BMPR2: variants seen among roughly 807,000 people sequenced by gnomAD.
BMPR2 encodes the protein bone morphogenetic protein receptor type-2.
BMPR2 carries 29 observed loss-of-function variants against 100.8 expected under a neutral mutation model. That is an observed-to-expected ratio of 0.29 (90% CI 0.21 to 0.39). The LOEUF (loss-of-function observed/expected upper bound fraction) is 0.39. Ranked by LOEUF, BMPR2 falls within the 10% of genes least tolerant of loss-of-function variation. The pLI, the probability that BMPR2 is intolerant of heterozygous loss-of-function variation, is 1.00. For synonymous variants in BMPR2, 382 were observed against 442.3 expected (o/e 0.86, Z 1.71); for missense variants, 1,011 against 1,274.5 (o/e 0.79, Z 3.15).
chr2:202,428,299 T>G (rs993017677), intron 1 of BMPR2, among the ~76,000 whole-genome samples: 1 of 152,042 alleles, frequency 6.6e-6, no homozygotes, highest in African/African-American at 2.4e-5. Context: ...TGTCATACTG[T>G]CAGAGTCCCT....
chr2:202,399,908 TC>T (rs1690732441), intron 1 of BMPR2, among the ~76,000 whole-genome samples: 1 of 152,124 alleles, frequency 6.6e-6, no homozygotes, highest in South Asian at 2.1e-4. Context: ...TCCCAGGAGT[TC>T]CAGACCAATC....
At chr2:202,558,752 A>G (rs1688627884) in intron 12 of BMPR2, among the ~76,000 whole-genome samples, 1 of 151,740 alleles carries the variant, frequency 6.6e-6, no homozygotes, top group South Asian at 2.1e-4. Context: ...AAGTAGCCAG[A>G]CGTGGTGGCA....
intron 1 of BMPR2, among the ~76,000 whole-genome samples, chr2:202,449,351 T>TAAATAAA (rs1691929456): frequency 7.0e-6 from 1 of 143,526 alleles, no homozygotes; most frequent in Non-Finnish European, 1.5e-5. Flanking sequence ...AAATAAATAA[T>TAAATAAA]AAAAAAATAA....
intron 1 of BMPR2, among the ~76,000 whole-genome samples, chr2:202,424,608 ATTGC>A (rs1392474037): frequency 1.3e-5 from 2 of 151,680 alleles, no homozygotes. Flanking sequence ...AGGCAGGAGC[ATTGC>A]TTGAACCTGG....
At chr2:202,465,522 A>T (rs1692302262) in intron 2 of BMPR2, among the ~76,000 whole-genome samples, 1 of 152,150 alleles carries the variant, frequency 6.6e-6, no homozygotes, top group South Asian at 2.1e-4. Context: ...ATATATAGAG[A>T]ACTACAAAGA....
intron 1 of BMPR2, among the ~76,000 whole-genome samples, chr2:202,413,722 T>TGGC: frequency 6.6e-6 from 1 of 151,944 alleles, no homozygotes; most frequent in Admixed American, 6.6e-5. Context: ...TGGAGTACAG[T>TGGC]AGTGTTATTT....
At position 202,539,730 on chromosome 2, in the gene BMPR2, A is replaced by G. The variant is rs1356794249; in HGVS notation, c.1277-2581A>G. Among the ~76,000 whole-genome samples, 6 of 152,208 alleles carry G rather than the reference A, an allele frequency of 3.9e-5. No individual in the cohort carries two copies. In the East Asian group the frequency reaches 1.2e-3, roughly 29 times the overall value. On this transcript the variant is annotated intron_variant, in intron 9 of 12. Coordinates refer to ENST00000374580, the MANE Select transcript of BMPR2 (RefSeq NM_001204.7). ...GAAAAAAAGAAGAGATAGAAAAAGG[A>G]AGAAAGAATAAGTGTAATTTGAGAA...
rs1559074073 is a variant in BMPR2 at position 202,555,746 on chromosome 2, G to A, written c.2081G>A (p.Ser694Asn). Residue 694 changes from serine to asparagine, a missense_variant, in exon 12 of 13, where the codon AGT (serine) becomes AAT (asparagine). Physicochemically the swap from Ser to Asn is conservative, Grantham distance 46. Transcript: ENST00000374580. The part of the protein sequence containing the change: ...NLMEHSLKQF[S>N]GPDPLSSTSS... ...ATGGAGCACTCTCTTAAACAGTTCAGTGGCCCAGACCCACTGAGCAGTACT... is the reference window on the plus strand; with the variant it reads ...ATGGAGCACTCTCTTAAACAGTTCAATGGCCCAGACCCACTGAGCAGTACT... 1 of 1,614,118 alleles carries A rather than the reference G, an allele frequency of 6.2e-7. No homozygotes were observed. Among genetic ancestry groups the A allele is most frequent in the Non-Finnish European group, 8.5e-7 (1 of 1,180,032 alleles).
chr2:202,450,046 G>A (rs531570260), intron 1 of BMPR2, among the ~76,000 whole-genome samples: 30 of 152,248 alleles, frequency 2.0e-4, no homozygotes, highest in African/African-American at 6.5e-4. Flanking sequence ...GGAGGTGGAG[G>A]TTGCAGTGAG....
chr2:202,535,834 G>C (rs1223931488), intron 9 of BMPR2, among the ~76,000 whole-genome samples: 2 of 152,228 alleles, frequency 1.3e-5, no homozygotes, highest in Non-Finnish European at 2.9e-5. Flanking sequence ...TGCAATCCCG[G>C]CACCTCGGGA....
At chr2:202,534,704 C>G (rs983395248) in intron 9 of BMPR2, among the ~76,000 whole-genome samples, 5 of 151,714 alleles carry the variant, frequency 3.3e-5, no homozygotes, top group Admixed American at 1.3e-4. Context: ...CAATCTTTTC[C>G]CCACCTTTCC....
chr2:202,390,459 G>A (rs1191697482), intron 1 of BMPR2, among the ~76,000 whole-genome samples: 1 of 151,474 alleles, frequency 6.6e-6, no homozygotes, highest in Non-Finnish European at 1.5e-5. Context: ...CAGCCCCCCA[G>A]TAGCTGGAAT....
chr2:202,502,800 AG>A (rs1288236026), intron 3 of BMPR2, among the ~76,000 whole-genome samples: 2 of 152,232 alleles, frequency 1.3e-5, no homozygotes, highest in Non-Finnish European at 2.9e-5. Context: ...CAGCGTTTAC[AG>A]GAAAAGGCTT....
chr2:202,431,427 C>T (rs1156771524), intron 1 of BMPR2, among the ~76,000 whole-genome samples: 1 of 150,540 alleles, frequency 6.6e-6, no homozygotes, highest in African/African-American at 2.5e-5. Flanking sequence ...TCTCAGTTTT[C>T]TAATCTGTAA....
intron 3 of BMPR2, among the ~76,000 whole-genome samples, chr2:202,504,678 CTTTT>C (rs144161668): frequency 6.2e-5 from 7 of 112,468 alleles, no homozygotes; most frequent in African/African-American, 6.9e-5. Context: ...ATAGTAGATT[CTTTT>C]TTTTTTTTTT....
intron 1 of BMPR2, among the ~76,000 whole-genome samples, chr2:202,389,557 G>A (rs1207464640): frequency 6.9e-6 from 1 of 144,372 alleles, no homozygotes; most frequent in Non-Finnish European, 1.5e-5. Context: ...ACTTGTTTTT[G>A]CTTTTGATTT....
intron 3 of BMPR2, among the ~76,000 whole-genome samples, chr2:202,480,452 T>C (rs1422578822): frequency 1.3e-5 from 2 of 152,092 alleles, no homozygotes; most frequent in Non-Finnish European, 2.9e-5. Context: ...TAATACACAG[T>C]CACAAAGGTT....
Position 202,542,425 on chromosome 2 carries a change from A to C in BMPR2, c.1391A>C (p.Glu464Ala), listed in dbSNP as rs1454135689. Residue 464 changes from glutamate (E) to alanine (A), a missense_variant, in exon 10 of 13, where the codon GAA becomes GCA. This residue lies in a region of BMPR2 where 83 missense variants were observed against 140.7 expected (regional missense o/e 0.59). Transcript: ENST00000374580. Reference protein sequence around the residue: ...SREKQRPKFPEAWKENSLAVR... With the variant: ...SREKQRPKFPAAWKENSLAVR... ...GAAAAACAGAGACCCAAGTTCCCAG[A>C]AGCCTGGAAAGAAAATAGCCTGGTA... 2 of 1,614,126 alleles carry C rather than the reference A, an allele frequency of 1.2e-6. No individual in the cohort carries two copies. Among genetic ancestry groups the C allele is most frequent in the East Asian group, 2.2e-5 (1 of 44,860 alleles).
At chr2:202,407,766 C>CA (rs200740540) in intron 1 of BMPR2, among the ~76,000 whole-genome samples, 2,276 of 145,766 alleles carry the variant, frequency 0.016, 20 homozygotes, top group Non-Finnish European at 0.021. Context: ...AAAACAAAAA[C>CA]AAAAAAAAAA....
Sources: allele counts gnomAD v4.1 joint callset (sites outside exome capture counted in the v4.1 genomes callset), GRCh38; gene constraint gnomAD v4.1.1; regional missense constraint gnomAD v4.1.1; transcripts MANE v1.5; gene names NCBI Gene and HGNC (gene_info 2026-07-23, HGNC 2026-07-21).